Variants in CFAP92 observed in about 807,000 individuals in gnomAD.
CFAP92 encodes the protein cilia and flagella associated protein 92 (putative), also known as uncharacterized protein CFAP92.
A neutral mutation model predicts 106.3 loss-of-function variants in CFAP92; 86 were observed. The observed-to-expected ratio is 0.81, with a 90% CI of 0.68 to 0.97. CFAP92 has a LOEUF of 0.97. CFAP92 is among the 50% of genes least tolerant of loss of function. The pLI is 0.00. For missense variants in CFAP92, 1,204 were observed against 1,283.8 expected (o/e 0.94, Z 0.95); for synonymous variants, 477 against 506.4 (o/e 0.94, Z 0.78).
chr3:128,910,586 A>G (rs531016956), intron 15 of CFAP92, among the ~76,000 whole-genome samples: 1 of 152,352 alleles, frequency 6.6e-6, no homozygotes, highest in South Asian at 2.1e-4. Flanking sequence ...CTGTTGGATC[A>G]GGGCTGGAAT....
chr3:128,964,918 C>G (rs553552538), intron 9 of CFAP92, among the ~76,000 whole-genome samples: 1 of 152,172 alleles, frequency 6.6e-6, no homozygotes, highest in African/African-American at 2.4e-5. Context: ...CACTTCAACA[C>G]TATTTTGTTT....
chr3:128,937,513 T>C lies in CFAP92; in HGVS notation c.2259-2194A>G, dbSNP rs141566913. ...TACTTGGGAGGCTGAGGCAGGAGAATGGCGTGAACTCAGGAGGCGGAGCTT... is the reference window on the plus strand; with the variant it reads ...TACTTGGGAGGCTGAGGCAGGAGAACGGCGTGAACTCAGGAGGCGGAGCTT... On this transcript the variant is annotated intron_variant, in intron 10 of 15. Coordinates refer to ENST00000645291, the MANE Select transcript of CFAP92 (RefSeq NM_001394090.1). Among the ~76,000 whole-genome samples the C allele has an allele frequency of 9.6e-3, 1,448 of 150,752 alleles. 15 individuals carry two copies. The highest frequency in any genetic ancestry group is 0.034 in the African/African-American group (1,381 of 40,962).
At chr3:129,025,159 A>T in the CFAP92 span, among the ~76,000 whole-genome samples, 1 of 152,296 alleles carries the variant, frequency 6.6e-6, no homozygotes, top group Non-Finnish European at 1.5e-5. Context: ...GAGAGGCCAG[A>T]GCTGGAGATA....
rs1936674958 is a variant in CFAP92 at position 128,914,846 on chromosome 3, C to A, written c.3280+273G>T. 3 of 432,554 alleles carry A rather than the reference C, an allele frequency of 6.9e-6. No homozygotes were observed. The Admixed American group carries it at 1.0e-4, about 15-fold the overall frequency. The allele number at this position is 432,554 out of a possible 1,614,324, so 26.8% of individuals were successfully genotyped here. On this transcript the variant is annotated intron_variant, in intron 15 of 15. Coordinates refer to ENST00000645291, the MANE Select transcript of CFAP92 (RefSeq NM_001394090.1). ...AGCCTTTAGACCTGTCTTCCAACTT[C>A]CCCACTTTATAGCCAAGAAACCAGA... is the stretch of plus-strand genomic sequence containing the variant.
chr3:128,985,309 T>C (rs764660287), intron 4 of CFAP92, among the ~76,000 whole-genome samples: 1 of 151,996 alleles, frequency 6.6e-6, no homozygotes, highest in Non-Finnish European at 1.5e-5. Flanking sequence ...AGATAAAATT[T>C]AAAAAGTAGC....
At chr3:128,921,267 C>A (rs966249625) in intron 12 of CFAP92, among the ~76,000 whole-genome samples, 1 of 152,178 alleles carries the variant, frequency 6.6e-6, no homozygotes. Flanking sequence ...GAGGATGCAT[C>A]ATCAGAGGAC....
intron 10 of CFAP92, among the ~76,000 whole-genome samples, chr3:128,942,528 C>T (rs558008577): frequency 6.6e-6 from 1 of 152,350 alleles, no homozygotes; most frequent in African/African-American, 2.4e-5. Flanking sequence ...GGTCAGCCTC[C>T]ATCCTGTGAC....
intron 10 of CFAP92, among the ~76,000 whole-genome samples, chr3:128,941,530 G>A (rs1939631569): frequency 6.6e-6 from 1 of 152,154 alleles, no homozygotes; most frequent in African/African-American, 2.4e-5. Context: ...AGATTGGAGT[G>A]CAGTGGCATG....
At chr3:128,921,586 G>A (rs1322083303) in intron 12 of CFAP92, among the ~76,000 whole-genome samples, 1 of 152,196 alleles carries the variant, frequency 6.6e-6, no homozygotes, top group Non-Finnish European at 1.5e-5. Flanking sequence ...TGTTTCAATT[G>A]TGGGCAATTT....
At chr3:128,921,831 TACA>T (rs759284196) in intron 12 of CFAP92, among the ~76,000 whole-genome samples, 2 of 152,020 alleles carry the variant, frequency 1.3e-5, no homozygotes, top group Non-Finnish European at 2.9e-5. Flanking sequence ...CTTACAAACA[TACA>T]ACAATTGTCT....
Position 128,993,054 on chromosome 3 carries a change from G to A in CFAP92, c.251C>T (p.Pro84Leu). The A allele has an allele frequency of 6.2e-7, 1 of 1,614,068 alleles. No homozygotes were observed. Residue 84 changes from proline to leucine, a missense_variant, in exon 2 of 16, where the codon CCT (proline) becomes CTT (leucine). Coordinates refer to ENST00000645291, the MANE Select transcript of CFAP92 (RefSeq NM_001394090.1). ...GCTCTAGCACCTACCCATATTCACA[G>A]GGAAGGCCAGTGAGATGGTGAATTT... is the stretch of plus-strand genomic sequence containing the variant. Reference protein sequence around the residue: ...PCKFTISLAFPVNMGQKGKYA... With the variant: ...PCKFTISLAFLVNMGQKGKYA...
At chr3:128,979,287 C>T (rs962248445) in intron 4 of CFAP92, among the ~76,000 whole-genome samples, 1 of 152,148 alleles carries the variant, frequency 6.6e-6, no homozygotes, top group Non-Finnish European at 1.5e-5. Context: ...ATTAAAAAGT[C>T]AGGAAACAAC....
intron 1 of CFAP92, 73 bp downstream of exon 1, chr3:128,993,907 C>A: frequency 1.0e-6 from 1 of 964,212 alleles, no homozygotes; most frequent in Middle Eastern, 5.3e-4. Flanking sequence ...CGAGGCGAGG[C>A]GGGAAGAGTC....
intron 9 of CFAP92, among the ~76,000 whole-genome samples, chr3:128,961,611 C>G (rs1212968110): frequency 1.3e-5 from 2 of 152,200 alleles, no homozygotes; most frequent in Non-Finnish European, 2.9e-5. Context: ...TATCCCAAAT[C>G]AGATAGCGTT....
intron 12 of CFAP92, among the ~76,000 whole-genome samples, chr3:128,920,074 C>A (rs182639694): frequency 6.6e-6 from 1 of 152,150 alleles, no homozygotes; most frequent in Admixed American, 6.5e-5. Flanking sequence ...AGAAACAGAC[C>A]CCAGGTAATC....
At chr3:128,919,844 T>C (rs1184265483) in intron 12 of CFAP92, among the ~76,000 whole-genome samples, 1 of 152,246 alleles carries the variant, frequency 6.6e-6, no homozygotes, top group African/African-American at 2.4e-5. Context: ...CTGGTACCTC[T>C]AGGCCTCCAG....
At chr3:128,962,903 T>C (rs1420317949) in intron 9 of CFAP92, among the ~76,000 whole-genome samples, 1 of 152,212 alleles carries the variant, frequency 6.6e-6, no homozygotes, top group Non-Finnish European at 1.5e-5. Context: ...TATACTCTCC[T>C]ATCCTCAATA....
chr3:129,002,011 A>G, intron 1 of CFAP92: 1 of 1,545,968 alleles, frequency 6.5e-7, no homozygotes, highest in Non-Finnish European at 8.7e-7. Context: ...ACCGATGAAG[A>G]GGCGCGCCTG....
the CFAP92 span, among the ~76,000 whole-genome samples, chr3:129,018,143 AG>A: frequency 6.6e-6 from 1 of 152,162 alleles, no homozygotes; most frequent in African/African-American, 2.4e-5. Flanking sequence ...TAGTTATCTT[AG>A]GAAATCCAGA....
Sources: allele counts gnomAD v4.1 joint callset (sites outside exome capture counted in the v4.1 genomes callset), GRCh38; gene constraint gnomAD v4.1.1; transcripts MANE v1.5; gene names NCBI Gene and HGNC (gene_info 2026-07-23, HGNC 2026-07-21).